Variants in DNHD1 observed in about 807,000 individuals in gnomAD.
DNHD1 encodes dynein heavy chain domain 1, also known as dynein heavy chain domain-containing protein 1.
Under a neutral mutation model 458.1 loss-of-function variants are expected in DNHD1, and 383 were observed. That is an observed-to-expected ratio of 0.84 (90% CI 0.77 to 0.91). The LOEUF is 0.91. Ranked by LOEUF, DNHD1 falls within the 40% of genes least tolerant of loss-of-function variation. DNHD1 has a pLI of 0.00. For missense variants in DNHD1, 5,336 were observed against 5,866.1 expected (o/e 0.91, Z 2.95); for synonymous variants, 2,203 against 2,376.9 (o/e 0.93, Z 2.13).
Position 6,566,222 on chromosome 11 carries a change from CT to C in DNHD1, c.11054-16del, listed in dbSNP as rs753616514. 1.9e-6 allele frequency: 3 copies of C among 1,549,784 alleles called. No individual in the cohort carries two copies. In the South Asian group the frequency reaches 3.6e-5, roughly 18 times the overall value. ...GGTGCTGGCATTGTGGGTAGGGTGC[CT>C]TTGCCTCCCTCTCACAGGCCTGCCT... On this transcript the variant is annotated intron_variant, in intron 33 of 42. Transcript: ENST00000254579.
At position 6,498,357 on chromosome 11, in the gene DNHD1, C is replaced by A. The variant is rs1453997712; in HGVS notation, c.142C>A (p.Pro48Thr). The change falls in exon 3 of 43, where the codon CCA (proline) becomes ACA (threonine). Residue 48 changes from proline (P) to threonine (T), a missense_variant. Around this residue, in one of 4 missense-constraint regions of DNHD1, gnomAD observed 3,932 missense variants for 4,365.6 expected, o/e 0.90. Coordinates refer to ENST00000254579, the MANE Select transcript of DNHD1 (RefSeq NM_144666.3). ...CQQKQRQFVK[P>T]VTESEQPTVL... ...GCAGAAACAGAGGCAGTTCGTGAAG[C>A]CAGTGACTGAGTCAGAGCAGCCCAC... 6.2e-7 allele frequency: 1 copy of A among 1,614,204 alleles called. No homozygotes were observed. Among genetic ancestry groups the A allele is most frequent in the South Asian group, 1.1e-5 (1 of 91,084 alleles).
At chr11:6,541,526 T>C (rs2134422885) in intron 18 of DNHD1, among the ~76,000 whole-genome samples, 1 of 152,292 alleles carries the variant, frequency 6.6e-6, no homozygotes, top group South Asian at 2.1e-4. Context: ...CATTTGATGG[T>C]AAGAATGGGG....
At chr11:6,559,551 T>A (rs575272004) in intron 28 of DNHD1, among the ~76,000 whole-genome samples, 7 of 152,316 alleles carry the variant, frequency 4.6e-5, no homozygotes, top group African/African-American at 1.7e-4. Context: ...TCATGTGAAG[T>A]TCAGTATGCT....
chr11:6,546,046 G>A lies in DNHD1; in HGVS notation c.5107G>A (p.Ala1703Thr). Reference protein sequence around the residue: ...KRAIVNSLAQALGRQLVMLPC... With the variant: ...KRAIVNSLAQTLGRQLVMLPC... ...AGCTATAGTGAACAGCCTGGCACAGGCCCTGGGCCGCCAGCTGGTGATGCT... is the reference window on the plus strand; with the variant it reads ...AGCTATAGTGAACAGCCTGGCACAGACCCTGGGCCGCCAGCTGGTGATGCT... Residue 1703 changes from alanine to threonine, a missense_variant, in exon 21 of 43, where the codon GCC becomes ACC. Physicochemically the swap from Ala to Thr is moderately conservative, Grantham distance 58. Around this residue, in one of 4 missense-constraint regions of DNHD1, gnomAD observed 3,932 missense variants for 4,365.6 expected, o/e 0.90. Transcript: ENST00000254579. 1 of 1,551,366 alleles carries A rather than the reference G, an allele frequency of 6.4e-7. No individual in the cohort carries two copies. The highest frequency in any genetic ancestry group is 1.4e-5 in the African/African-American group (1 of 73,172).
rs1337488887 is a variant in DNHD1 at position 6,548,277 on chromosome 11, C to T, written c.6973C>T (p.Pro2325Ser). 2 of 1,551,600 alleles carry T rather than the reference C, an allele frequency of 1.3e-6. No individual in the cohort carries two copies. Among genetic ancestry groups the T allele is most frequent in the Admixed American group, 3.9e-5 (2 of 50,980 alleles). The change falls in exon 23 of 43, where the codon CCA (proline) becomes TCA (serine). Residue 2325 changes from proline (P) to serine (S), a missense_variant. Transcript: ENST00000254579. This position sits in a 1 kb window ranked among gnomAD's most constrained non-coding sequence, Gnocchi z 4.4. ...TCGCCTCTCCAACTACCCTGAGCCA[C>T]CACCCTCAGCCTTGGTGTTTGATCT... is the stretch of plus-strand genomic sequence containing the variant. ...ISRLSNYPEP[P>S]PSALVFDLHV...
rs369452858 is a variant in DNHD1 at position 6,510,232 on chromosome 11, C to T, written c.1235+960C>T. ...CTGAGTAGCTGGGATTACAGGCATG[C>T]ACCACCACACCCGGCTAATTTTTTT... On this transcript the variant is annotated intron_variant, in intron 6 of 42. Coordinates refer to ENST00000254579, the MANE Select transcript of DNHD1 (RefSeq NM_144666.3). Among the ~76,000 whole-genome samples, 9 of 151,832 alleles carry T rather than the reference C, an allele frequency of 5.9e-5. No individual in the cohort carries two copies. The East Asian group carries it at 9.6e-4, about 16-fold the overall frequency.
chr11:6,534,033 CG>C lies in DNHD1; in HGVS notation c.2859del (p.Lys954ArgfsTer24). On this transcript the variant is annotated frameshift_variant, in exon 14 of 43. Transcript: ENST00000254579. ...AALAELEGLL[A>X]KALSGPFMDP... ...TTGGCAGAGCTGGAAGGCCTGCTTG[CG>C]AAGGCCCTCTCCGGTCCCTTTATGG... 6.4e-7 allele frequency: 1 copy of C among 1,551,526 alleles called. No individual in the cohort carries two copies. Among genetic ancestry groups the C allele is most frequent in the African/African-American group, 1.4e-5 (1 of 73,122 alleles).
rs554509313 is a variant in DNHD1 at position 6,570,918 on chromosome 11, C to G, written c.13406C>G (p.Pro4469Arg). ...ATTCGCCAAGACGAGTCCGACGCCC[C>G]GTGGTCAGTGCTGGGGCCAAATGCA... Reference protein sequence around the residue: ...HVIRQDESDAPWSVLGPNARR... With the variant: ...HVIRQDESDARWSVLGPNARR... The change falls in exon 42 of 43, where the codon CCG (proline) becomes CGG (arginine). Residue 4469 changes from proline to arginine, a missense_variant. Physicochemically the swap from Pro to Arg is moderately radical, Grantham distance 103. Transcript: ENST00000254579. The G allele has an allele frequency of 8.1e-6, 13 of 1,613,218 alleles. No individual in the cohort carries two copies. In the Admixed American group the frequency reaches 1.7e-4, roughly 21 times the overall value.
At chr11:6,511,780 T>C (rs1852339030) in intron 7 of DNHD1, among the ~76,000 whole-genome samples, 1 of 152,210 alleles carries the variant, frequency 6.6e-6, no homozygotes, top group Non-Finnish European at 1.5e-5. Flanking sequence ...GAGCTTATTT[T>C]TGAACCTATC....
At chr11:6,532,299 G>A (rs1002965029) in intron 12 of DNHD1, among the ~76,000 whole-genome samples, 2 of 152,006 alleles carry the variant, frequency 1.3e-5, no homozygotes, top group Admixed American at 6.5e-5. Flanking sequence ...TTCTTACAAC[G>A]GGATCTTAGA....
chr11:6,539,195 C>T, intron 16 of DNHD1, 24 bp from the exon 17 acceptor site: 1 of 1,505,754 alleles, frequency 6.6e-7, no homozygotes, highest in South Asian at 1.2e-5. Context: ...GGGTGTTGCT[C>T]TGACTTGTTT....
chr11:6,567,925 C>G, intron 36 of DNHD1, 65 bp downstream of exon 36: 2 of 1,492,448 alleles, frequency 1.3e-6, no homozygotes, highest in Non-Finnish European at 1.8e-6. Context: ...TGGGGGACCC[C>G]CTCCAAGCAT....
intron 7 of DNHD1, among the ~76,000 whole-genome samples, chr11:6,514,028 A>G (rs1327756318): frequency 6.6e-6 from 1 of 151,580 alleles, no homozygotes; most frequent in African/African-American, 2.4e-5. Flanking sequence ...TTGTATTTTT[A>G]GTAGAGACGG....
At chr11:6,542,477 C>T (rs1853115416) in intron 18 of DNHD1, among the ~76,000 whole-genome samples, 1 of 152,204 alleles carries the variant, frequency 6.6e-6, no homozygotes, top group South Asian at 2.1e-4. Context: ...ACCTTTGCTC[C>T]TTTTCAGTTT....
chr11:6,561,114 T>C (rs150724999), intron 28 of DNHD1, among the ~76,000 whole-genome samples: 1 of 152,274 alleles, frequency 6.6e-6, no homozygotes, highest in East Asian at 1.9e-4. Context: ...TGCTGGCACA[T>C]AGAGCTCAAT....
chr11:6,570,280 C>T lies in DNHD1; in HGVS notation c.12989C>T (p.Thr4330Ile). Residue 4330 changes from threonine to isoleucine, a missense_variant, in exon 41 of 43, where the codon ACT (threonine) becomes ATT (isoleucine). Around this residue, in one of 4 missense-constraint regions of DNHD1, gnomAD observed 698 missense variants for 664.9 expected, o/e 1.05. Transcript: ENST00000254579. ...TTCTACGGGGGTCCTCTGGGGGACACTGAGGACAGGGAGGCCCTGATTAGC... is the reference window on the plus strand; with the variant it reads ...TTCTACGGGGGTCCTCTGGGGGACATTGAGGACAGGGAGGCCCTGATTAGC... Reference protein sequence around the residue: ...SVFYGGPLGDTEDREALISLT... With the variant: ...SVFYGGPLGDIEDREALISLT... The T allele has an allele frequency of 6.2e-7, 1 of 1,613,738 alleles. No homozygotes were observed. The highest frequency in any genetic ancestry group is 2.2e-5 in the East Asian group (1 of 44,880).
Position 6,546,179 on chromosome 11 carries a change from G to A in DNHD1, c.5240G>A (p.Gly1747Asp). Residue 1747 changes from glycine (G) to aspartate (D), a missense_variant, in exon 21 of 43, where the codon GGC (glycine) becomes GAC (aspartate). By Grantham distance (94) the Gly-to-Asp change is moderately conservative (BLOSUM62 -1). This residue lies in a region of DNHD1 where 3,932 missense variants were observed against 4,365.6 expected (regional missense o/e 0.90). Coordinates refer to ENST00000254579, the MANE Select transcript of DNHD1 (RefSeq NM_144666.3). ...GAGAAAGTTCATCAGCTGCCCCCTG[G>A]CTTGCTCTCTGCCCTGGGCCAGCGC... ...LLEKVHQLPP[G>D]LLSALGQRLG... 1 of 1,551,138 alleles carries A rather than the reference G, an allele frequency of 6.4e-7. No homozygotes were observed.
At chr11:6,531,118 AT>A (rs1489991606) in intron 12 of DNHD1, among the ~76,000 whole-genome samples, 1 of 152,012 alleles carries the variant, frequency 6.6e-6, no homozygotes, top group Non-Finnish European at 1.5e-5. Flanking sequence ...GGTGCTTAAT[AT>A]TTTTTTCATT....
rs1481347084 is a variant in DNHD1, at chr11:6,571,247, C to A, written c.13735C>A (p.Arg4579Ser). 5 of 1,612,540 alleles carry A rather than the reference C, an allele frequency of 3.1e-6. No homozygotes were observed. The South Asian group carries it at 5.5e-5, about 18-fold the overall frequency. ...GADASSDVPE[R>S]VFHLSAFRHP... ...GGACGCGAGCAGTGATGTACCAGAG[C>A]GCGTCTTCCACCTGTCAGCCTTTCG... Residue 4579 changes from arginine (R) to serine (S), a missense_variant, in exon 42 of 43, where the codon CGC (arginine) becomes AGC (serine). Arg to Ser is a moderately radical substitution (Grantham distance 110, BLOSUM62 -1). Around this residue, in one of 4 missense-constraint regions of DNHD1, gnomAD observed 698 missense variants for 664.9 expected, o/e 1.05. Transcript: ENST00000254579. The surrounding 1 kb of genome is among the most constrained non-coding windows in gnomAD (Gnocchi z 5.0).
Sources: allele counts gnomAD v4.1 joint callset (sites outside exome capture counted in the v4.1 genomes callset), GRCh38; gene constraint gnomAD v4.1.1; regional missense constraint gnomAD v4.1.1; non-coding constraint Gnocchi (gnomAD v3.1); transcripts MANE v1.5; gene names NCBI Gene and HGNC (gene_info 2026-07-23, HGNC 2026-07-21).